SNTG1: variants seen among roughly 807,000 people sequenced by gnomAD.
SNTG1 encodes the protein syntrophin gamma 1.
SNTG1 carries 39 observed loss-of-function variants against 74.7 expected under a neutral mutation model. The observed-to-expected ratio is 0.52, with a 90% CI of 0.40 to 0.68. The LOEUF (loss-of-function observed/expected upper bound fraction) is 0.68, where lower values mean the gene tolerates loss of function less well. Among genes scored for constraint, SNTG1 ranks in the 30% least tolerant of loss-of-function variants. The pLI is 0.00. For missense variants in SNTG1, 685 were observed against 609.5 expected, an observed-to-expected ratio of 1.12 and a Z score of -1.30; for synonymous variants, 254 against 217.1, an observed-to-expected ratio of 1.17 and a Z score of -1.49.
intron 1 of SNTG1, among the ~76,000 whole-genome samples, chr8:49,989,917 A>G (rs1813519777): frequency 6.6e-6 from 1 of 151,978 alleles, no homozygotes; most frequent in Non-Finnish European, 1.5e-5. Flanking sequence ...CATGGTAGAA[A>G]CACTAAATAA....
chr8:50,306,770 A>G (rs941248728), intron 2 of SNTG1, among the ~76,000 whole-genome samples: 2 of 151,732 alleles, frequency 1.3e-5, no homozygotes, highest in Non-Finnish European at 2.9e-5. Flanking sequence ...AGTTCCATGT[A>G]GATTTCAGAT....
intron 4 of SNTG1, among the ~76,000 whole-genome samples, chr8:50,420,824 A>C (rs1231934419): frequency 6.6e-6 from 1 of 151,838 alleles, no homozygotes; most frequent in Non-Finnish European, 1.5e-5. Context: ...CAAGAGATCA[A>C]GACCATCTTG....
At chr8:50,758,412 C>T (rs1042324697) in intron 18 of SNTG1, among the ~76,000 whole-genome samples, 5 of 151,912 alleles carry the variant, frequency 3.3e-5, no homozygotes, top group Non-Finnish European at 4.4e-5. Flanking sequence ...TGGTGGTTTG[C>T]TGCATCCATC....
chr8:50,737,241 C>T (rs1438888002), intron 17 of SNTG1, among the ~76,000 whole-genome samples: 1 of 152,018 alleles, frequency 6.6e-6, no homozygotes, highest in Non-Finnish European at 1.5e-5. Flanking sequence ...CCACTGATCC[C>T]ACAGAAATAC....
intron 4 of SNTG1, among the ~76,000 whole-genome samples, chr8:50,423,126 T>G (rs1316914647): frequency 6.6e-6 from 1 of 152,200 alleles, no homozygotes; most frequent in African/African-American, 2.4e-5. Context: ...AATATCAATA[T>G]TTTAAAAGAA....
chr8:50,766,503 T>C (rs1174827349), intron 18 of SNTG1, among the ~76,000 whole-genome samples: 1 of 151,948 alleles, frequency 6.6e-6, no homozygotes, highest in Non-Finnish European at 1.5e-5. Flanking sequence ...AAATGAAATG[T>C]TTGAGTATTT....
chr8:50,038,153 A>T (rs1818318992), intron 1 of SNTG1, among the ~76,000 whole-genome samples: 1 of 152,062 alleles, frequency 6.6e-6, no homozygotes, highest in African/African-American at 2.4e-5. Flanking sequence ...AATTGCCCAT[A>T]GGTGGTCTCC....
At chr8:49,997,528 G>A (rs1391941832) in intron 1 of SNTG1, among the ~76,000 whole-genome samples, 3 of 151,910 alleles carry the variant, frequency 2.0e-5, no homozygotes, top group Non-Finnish European at 4.4e-5. Flanking sequence ...TCTCCCACCT[G>A]GATCACTGAA....
At position 50,583,595 on chromosome 8, in the gene SNTG1, G is replaced by A. The variant is rs118189922; in HGVS notation, c.811-7284G>A. ...TTTTACTACCCAATGGAAGGAAATA[G>A]GTCAAATCAAATGTTTCTTATGCAG... On this transcript the variant is annotated intron_variant, in intron 12 of 18. Coordinates refer to ENST00000642720, the MANE Select transcript of SNTG1 (RefSeq NM_018967.5). 1.2e-4 allele frequency among the ~76,000 whole-genome samples: 19 copies of A among 152,044 alleles called. No individual in the cohort carries two copies. In the East Asian group the frequency reaches 3.7e-3, roughly 29 times the overall value.
intron 8 of SNTG1, among the ~76,000 whole-genome samples, chr8:50,451,711 C>T (rs186181181): frequency 6.6e-6 from 1 of 151,998 alleles, no homozygotes; most frequent in Non-Finnish European, 1.5e-5. Context: ...TCATAAGTGG[C>T]CTCTAAATTA....
chr8:50,781,705 T>A (rs2095660026), intron 18 of SNTG1, among the ~76,000 whole-genome samples: 3 of 152,198 alleles, frequency 2.0e-5, no homozygotes, highest in Admixed American at 2.0e-4. Flanking sequence ...CCCATTTACA[T>A]CTAAAGTTAA....
chr8:50,091,092 TA>T (rs2131159441), intron 1 of SNTG1, among the ~76,000 whole-genome samples: 1 of 152,228 alleles, frequency 6.6e-6, no homozygotes, highest in East Asian at 1.9e-4. Flanking sequence ...CATAGATAAT[TA>T]AAATATTTGG....
chr8:50,489,285 A>G (rs548984143), intron 8 of SNTG1, among the ~76,000 whole-genome samples: 59 of 152,338 alleles, frequency 3.9e-4, no homozygotes, highest in Non-Finnish European at 6.6e-4. Flanking sequence ...CTTTGGTTAT[A>G]TACCCAGTAA....
chr8:50,113,435 T>C (rs1039569821), intron 1 of SNTG1, among the ~76,000 whole-genome samples: 3 of 152,234 alleles, frequency 2.0e-5, no homozygotes, highest in Non-Finnish European at 4.4e-5. Context: ...ATTGATTTTG[T>C]ATCCTGAGAC....
chr8:50,312,003 C>T (rs2130756842), intron 2 of SNTG1, among the ~76,000 whole-genome samples: 1 of 152,158 alleles, frequency 6.6e-6, no homozygotes, highest in East Asian at 1.9e-4. Context: ...TCCTTAATAA[C>T]AGTAAAGAAA....
chr8:50,582,835 A>G (rs1273298623), intron 12 of SNTG1, among the ~76,000 whole-genome samples: 1 of 152,150 alleles, frequency 6.6e-6, no homozygotes. Context: ...GGTCATTCAT[A>G]GAACTAAAAT....
rs2092390875 is a variant in SNTG1 at position 50,376,732 on chromosome 8, TA to T, written c.-27-17479del. 3.6e-4 allele frequency among the ~76,000 whole-genome samples: 6 copies of T among 16,570 alleles called. No homozygotes were observed. The Admixed American group carries it at 5.9e-3, about 16-fold the overall frequency. 10.9% of individuals were successfully genotyped at this position (16,570 alleles called of 152,430 possible). A position where few individuals can be genotyped will look rare whatever the true frequency, so the allele number is the denominator to read the frequency against. On this transcript the variant is annotated intron_variant, in intron 2 of 18. Coordinates refer to ENST00000642720, the MANE Select transcript of SNTG1 (RefSeq NM_018967.5). ...TTATATATTTAATATTAATAAATTA[TA>T]TATATATATATATATATATATATAG...
intron 2 of SNTG1, among the ~76,000 whole-genome samples, chr8:50,286,160 T>G (rs977889791): frequency 1.3e-5 from 2 of 152,180 alleles, no homozygotes; most frequent in Non-Finnish European, 2.9e-5. Context: ...TGCCTTATGA[T>G]TGAGGTGAGG....
At chr8:50,334,466 A>C (rs1453619842) in intron 2 of SNTG1, among the ~76,000 whole-genome samples, 2 of 151,428 alleles carry the variant, frequency 1.3e-5, no homozygotes, top group Non-Finnish European at 2.9e-5. Context: ...CCTGTTCTGC[A>C]TTGTTTGCCT....
Sources: allele counts gnomAD v4.1 joint callset (sites outside exome capture counted in the v4.1 genomes callset), GRCh38; gene constraint gnomAD v4.1.1; transcripts MANE v1.5; gene names NCBI Gene and HGNC (gene_info 2026-07-23, HGNC 2026-07-21).